MAML3: variants seen among roughly 807,000 people sequenced by gnomAD.
The protein encoded by MAML3 is mastermind-like protein 3.
MAML3 carries 27 observed loss-of-function variants against 101.9 expected under a neutral mutation model. The observed-to-expected ratio is 0.27, with a 90% CI of 0.20 to 0.37. The LOEUF is 0.37. Ranked by LOEUF, MAML3 falls within the 10% of genes least tolerant of loss-of-function variation. The probability of loss-of-function intolerance (pLI) is 1.00; values close to 1 mark genes in which losing one functional copy is unlikely to be tolerated. For synonymous variants in MAML3, 501 were observed against 555.9 expected (o/e 0.90, Z 1.39); for missense variants, 1,316 against 1,444.9 (o/e 0.91, Z 1.45).
chr4:139,961,171 G>GT (rs1734007480), intron 1 of MAML3, among the ~76,000 whole-genome samples: 1 of 152,184 alleles, frequency 6.6e-6, no homozygotes, highest in Non-Finnish European at 1.5e-5. Flanking sequence ...TCTAAGCTGT[G>GT]TTTTCTTCTT....
intron 2 of MAML3, among the ~76,000 whole-genome samples, chr4:139,867,585 T>C (rs988574527): frequency 6.6e-6 from 1 of 152,226 alleles, no homozygotes; most frequent in African/African-American, 2.4e-5. Flanking sequence ...AGGCACATAG[T>C]TGTTAAACAT....
intron 2 of MAML3, among the ~76,000 whole-genome samples, chr4:139,804,468 T>A (rs1730670088): frequency 1.3e-5 from 2 of 152,058 alleles, no homozygotes; most frequent in South Asian, 4.2e-4. Flanking sequence ...GGTTTCACCA[T>A]CTTGGCCAGG....
At position 139,863,343 on chromosome 4, in the gene MAML3, C is replaced by CTTT. The variant is rs11439880; in HGVS notation, c.2079+26011_2079+26013dup. Among the ~76,000 whole-genome samples the CTTT allele has an allele frequency of 3.0e-3, 358 of 120,494 alleles. 2 individuals are homozygous for CTTT. The highest frequency in any genetic ancestry group is 0.012 in the East Asian group (46 of 3,700). The allele number at this position is 120,494 out of a possible 152,430, so 79.0% of individuals were successfully genotyped here. ...CACATTACACACTTTTTCCTGTGCC[C>CTTT]TTTTTTTTTTTTTTTTTTCCTTTTG... On this transcript the variant is annotated intron_variant, in intron 2 of 4. Coordinates refer to ENST00000509479, the MANE Select transcript of MAML3 (RefSeq NM_018717.5).
intron 2 of MAML3, among the ~76,000 whole-genome samples, chr4:139,763,623 T>C (rs1729799187): frequency 6.8e-6 from 1 of 147,070 alleles, no homozygotes; most frequent in Admixed American, 6.8e-5. Flanking sequence ...ATTAAAAAAA[T>C]CATGTTGATG....
intron 1 of MAML3, among the ~76,000 whole-genome samples, chr4:139,960,648 T>A (rs1300728328): frequency 2.0e-5 from 3 of 152,064 alleles, no homozygotes; most frequent in Admixed American, 2.0e-4. Context: ...GGGGGAAAAA[T>A]TAACAGCAGG....
At chr4:139,906,240 C>T (rs1371184764) in intron 1 of MAML3, among the ~76,000 whole-genome samples, 1 of 152,168 alleles carries the variant, frequency 6.6e-6, no homozygotes, top group Admixed American at 6.5e-5. Flanking sequence ...ACTATGGGTG[C>T]ATACCACCTG....
chr4:139,838,155 A>G (rs1404357554), intron 2 of MAML3, among the ~76,000 whole-genome samples: 1 of 151,852 alleles, frequency 6.6e-6, no homozygotes, highest in Non-Finnish European at 1.5e-5. Context: ...GACACAAGGT[A>G]GCTGGAGGCC....
intron 3 of MAML3, among the ~76,000 whole-genome samples, chr4:139,726,456 T>G (rs1454113342): frequency 6.6e-6 from 1 of 152,194 alleles, no homozygotes; most frequent in African/African-American, 2.4e-5. Flanking sequence ...ACTTGCTGGC[T>G]CATGAGGAAT....
intron 1 of MAML3, among the ~76,000 whole-genome samples, chr4:140,035,232 C>T (rs1447159575): frequency 6.6e-6 from 1 of 152,088 alleles, no homozygotes; most frequent in East Asian, 1.9e-4. Flanking sequence ...CCTCAGTCTC[C>T]AAAAGTGCTG....
chr4:139,968,880 GTATCC>G (rs1231376815), intron 1 of MAML3, among the ~76,000 whole-genome samples: 5 of 152,130 alleles, frequency 3.3e-5, no homozygotes, highest in Non-Finnish European at 7.3e-5. Flanking sequence ...AGAGGAGGCT[GTATCC>G]TACCAGCATT....
At chr4:140,118,213 T>C (rs1173551521) in intron 1 of MAML3, among the ~76,000 whole-genome samples, 1 of 151,740 alleles carries the variant, frequency 6.6e-6, no homozygotes, top group Non-Finnish European at 1.5e-5. Context: ...TTAATAGTCC[T>C]GAGTGCAGTC....
chr4:140,098,538 C>T (rs914161037), intron 1 of MAML3, among the ~76,000 whole-genome samples: 5 of 152,312 alleles, frequency 3.3e-5, no homozygotes, highest in East Asian at 1.9e-4. Context: ...TTATCCTTCC[C>T]GTATCATCAC....
At chr4:140,067,714 G>A (rs949084048) in intron 1 of MAML3, among the ~76,000 whole-genome samples, 5 of 149,928 alleles carry the variant, frequency 3.3e-5, no homozygotes, top group Non-Finnish European at 5.9e-5. Context: ...ATACATAAAT[G>A]TCAATCTTAA....
chr4:139,989,480 T>G (rs1028684961), intron 1 of MAML3, among the ~76,000 whole-genome samples: 1 of 152,012 alleles, frequency 6.6e-6, no homozygotes, highest in Non-Finnish European at 1.5e-5. Flanking sequence ...TGGACAAAGT[T>G]TTTGTTGAAC....
At chr4:139,901,585 G>A (rs182674454) in intron 1 of MAML3, among the ~76,000 whole-genome samples, 16 of 152,240 alleles carry the variant, frequency 1.1e-4, no homozygotes, top group Non-Finnish European at 1.3e-4. Context: ...AAGAAATGCC[G>A]GTAAAGGAGG....
chr4:139,972,560 A>C (rs2110794389), intron 1 of MAML3, among the ~76,000 whole-genome samples: 1 of 152,324 alleles, frequency 6.6e-6, no homozygotes, highest in East Asian at 1.9e-4. Context: ...AAGCCACTAA[A>C]ATAGTTGCCA....
chr4:139,839,149 A>T (rs183242982), intron 2 of MAML3, among the ~76,000 whole-genome samples: 69 of 152,308 alleles, frequency 4.5e-4, no homozygotes, highest in African/African-American at 1.6e-3. Flanking sequence ...ACGCGCTGGC[A>T]TCATTCCTCA....
rs1317628103 is a variant in MAML3, at chr4:139,718,897, C to G, written c.*426G>C. On this transcript the variant is annotated 3_prime_UTR_variant, in exon 5 of 5. Transcript: ENST00000509479. ...GGGGACTCACTCTCCCTGGCTGAGGCTCTGTCTCTTTTGTGTCTCCAAAGC... is the reference window on the plus strand; with the variant it reads ...GGGGACTCACTCTCCCTGGCTGAGGGTCTGTCTCTTTTGTGTCTCCAAAGC... 1 of 171,512 alleles carries G rather than the reference C, an allele frequency of 5.8e-6. No individual in the cohort carries two copies. Among genetic ancestry groups the G allele is most frequent in the Admixed American group, 5.5e-5 (1 of 18,184 alleles). The allele number at this position is 171,512 out of a possible 1,614,324, so 10.6% of individuals were successfully genotyped here.
chr4:139,990,943 G>C (rs1269680397), intron 1 of MAML3, among the ~76,000 whole-genome samples: 1 of 152,194 alleles, frequency 6.6e-6, no homozygotes, highest in East Asian at 1.9e-4. Context: ...TCATGGGTAG[G>C]AGGAATCAAT....
Sources: allele counts gnomAD v4.1 joint callset (sites outside exome capture counted in the v4.1 genomes callset), GRCh38; gene constraint gnomAD v4.1.1; transcripts MANE v1.5; gene names NCBI Gene and HGNC (gene_info 2026-07-23, HGNC 2026-07-21).